Variants in SRBD1 observed in about 807,000 individuals in gnomAD.
SRBD1 encodes the protein S1 RNA binding domain 1, also known as S1 RNA-binding domain-containing protein 1.
SRBD1 carries 88 observed loss-of-function variants against 115.3 expected under a neutral mutation model. That is an observed-to-expected ratio of 0.76 (90% CI 0.64 to 0.91). SRBD1 has a LOEUF of 0.91. Among genes scored for constraint, SRBD1 ranks in the 40% least tolerant of loss-of-function variants. The pLI is 0.00. For synonymous variants in SRBD1, 509 were observed against 407.7 expected, an observed-to-expected ratio of 1.25 and a Z score of -2.99; for missense variants, 1,385 against 1,177.4, an observed-to-expected ratio of 1.18 and a Z score of -2.58.
In SRBD1 at chr2:45,599,512, G is replaced by A; in HGVS notation, c.585C>T (p.Val195=). ...KTETYPQGQP[V]KFPANANSTK... ...TACTATTGGCATTTGCTGGAAACTT[G>A]ACAGGCTGCCCCTGAGGATATGTCT... Residue 195 remains valine (V), a synonymous_variant, in exon 4 of 21, where the codon GTC becomes GTT. Transcript: ENST00000263736. The A allele has an allele frequency of 1.9e-6, 3 of 1,614,174 alleles. No individual in the cohort carries two copies. Among genetic ancestry groups the A allele is most frequent in the Non-Finnish European group, 2.5e-6 (3 of 1,180,034 alleles).
intron 19 of SRBD1, among the ~76,000 whole-genome samples, chr2:45,393,615 C>T (rs1002953870): frequency 9.9e-5 from 15 of 152,266 alleles, no homozygotes; most frequent in South Asian, 2.1e-4. Flanking sequence ...CTCCTGACCT[C>T]GTGATCTGCC....
In SRBD1 at chr2:45,425,788, T is replaced by C. The variant is rs1180032411; in HGVS notation, c.2050-5894A>G. ...TGTGAGGGACCGTGCTGTGAGGGAC[T>C]GTGCTGTGAGGAATGGTACACTCTG... On this transcript the variant is annotated intron_variant, in intron 16 of 20. Transcript: ENST00000263736. Among the ~76,000 whole-genome samples, 3 of 152,188 alleles carry C rather than the reference T, an allele frequency of 2.0e-5. No individual in the cohort carries two copies. The East Asian group carries it at 5.8e-4, about 30-fold the overall frequency.
chr2:45,402,901 T>C (rs1048089284), intron 19 of SRBD1, among the ~76,000 whole-genome samples: 3 of 152,108 alleles, frequency 2.0e-5, no homozygotes, highest in African/African-American at 7.2e-5. Context: ...TCAACCCAAA[T>C]GGTAGGACAA....
chr2:45,402,670 C>T (rs964826869), intron 19 of SRBD1, among the ~76,000 whole-genome samples: 1 of 152,160 alleles, frequency 6.6e-6, no homozygotes, highest in East Asian at 1.9e-4. Context: ...ACAGTCTTGA[C>T]AATAAATTTC....
chr2:45,580,676 C>CT (rs369067711), intron 6 of SRBD1, among the ~76,000 whole-genome samples: 1,589 of 76,404 alleles, frequency 0.021, 270 homozygotes, highest in African/African-American at 0.07. Flanking sequence ...TCTTCTACTT[C>CT]TTTTTTTTTT....
rs191971350 is a variant in SRBD1, at chr2:45,553,499, T to G, written c.1517+124A>C. Reference sequence around the variant, plus strand: ...AAATCAAGCCTTAACTTTAACACTTTGTGATGCTGACTAAATTCTTTCGAT... The same window carrying G: ...AAATCAAGCCTTAACTTTAACACTTGGTGATGCTGACTAAATTCTTTCGAT... On this transcript the variant is annotated intron_variant, in intron 11 of 20. Transcript: ENST00000263736. The G allele has an allele frequency of 1.1e-4, 58 of 518,254 alleles. No individual in the cohort carries two copies. In the East Asian group the frequency reaches 1.9e-3, roughly 17 times the overall value. 32.1% of individuals were successfully genotyped at this position (518,254 alleles called of 1,614,324 possible).
At chr2:45,518,076 T>C (rs1255593269) in intron 14 of SRBD1, among the ~76,000 whole-genome samples, 3 of 152,124 alleles carry the variant, frequency 2.0e-5, no homozygotes, top group Non-Finnish European at 4.4e-5. Context: ...GGCAGGCTTT[T>C]TTTCCCCTTA....
chr2:45,575,179 CT>C (rs1206491439), intron 7 of SRBD1, among the ~76,000 whole-genome samples: 3 of 152,162 alleles, frequency 2.0e-5, no homozygotes, highest in Admixed American at 6.5e-5. Context: ...AAAAATTATC[CT>C]TTAGAAGCAA....
In SRBD1 at chr2:45,599,796, T is replaced by G. The variant is rs1445438837; in HGVS notation, c.301A>C (p.Arg101=). 3 of 1,613,824 alleles carry G rather than the reference T, an allele frequency of 1.9e-6. No individual in the cohort carries two copies. In the African/African-American group the frequency reaches 4.0e-5, roughly 22 times the overall value. The change falls in exon 4 of 21, where the codon AGA becomes CGA. Residue 101 remains arginine (R), a synonymous_variant. Transcript: ENST00000263736. ...VAIADTALED[R]KNKLDTVQTL... ...TGTACAGTATCCAATTTATTTTTTC[T>G]GTCTTCTAAAGCAGTATCAGCAATA...
intron 16 of SRBD1, among the ~76,000 whole-genome samples, chr2:45,425,091 T>G (rs1668113725): frequency 6.6e-6 from 1 of 152,186 alleles, no homozygotes; most frequent in South Asian, 2.1e-4. Context: ...TAAAATCTCT[T>G]TATCATTTAA....
intron 14 of SRBD1, among the ~76,000 whole-genome samples, chr2:45,528,271 A>G (rs913949018): frequency 2.6e-5 from 4 of 151,878 alleles, no homozygotes; most frequent in South Asian, 4.1e-4. Context: ...GAGACTATAC[A>G]TGAAAAGTAG....
intron 19 of SRBD1, among the ~76,000 whole-genome samples, chr2:45,403,502 G>A (rs1370974281): frequency 6.6e-6 from 1 of 151,924 alleles, no homozygotes; most frequent in African/African-American, 2.4e-5. Context: ...TATTTGTCAG[G>A]TGCAAGGGAT....
chr2:45,450,602 G>A (rs1350534847), intron 16 of SRBD1, among the ~76,000 whole-genome samples: 2 of 152,102 alleles, frequency 1.3e-5, no homozygotes, highest in African/African-American at 2.4e-5. Context: ...AGATGTTCAA[G>A]GGAGGGAACA....
At chr2:45,507,868 C>T (rs1670843470) in intron 14 of SRBD1, among the ~76,000 whole-genome samples, 1 of 151,968 alleles carries the variant, frequency 6.6e-6, no homozygotes, top group South Asian at 2.1e-4. Context: ...TAATTTTTGG[C>T]AAATACATTT....
At chr2:45,580,658 C>T (rs1269734207) in intron 6 of SRBD1, among the ~76,000 whole-genome samples, 2 of 142,952 alleles carry the variant, frequency 1.4e-5, no homozygotes, top group Admixed American at 7.1e-5. Flanking sequence ...CGCACCTGGC[C>T]GGTCAATTCT....
intron 14 of SRBD1, among the ~76,000 whole-genome samples, chr2:45,528,408 G>C: frequency 6.6e-6 from 1 of 151,778 alleles, no homozygotes; most frequent in Non-Finnish European, 1.5e-5. Flanking sequence ...AGTTTGAATG[G>C]GGTATATGAC....
chr2:45,414,555 G>A (rs911756336), intron 18 of SRBD1, among the ~76,000 whole-genome samples: 20 of 150,050 alleles, frequency 1.3e-4, no homozygotes, highest in African/African-American at 4.6e-4. Flanking sequence ...AGTGTCTGTA[G>A]TGTGTGTACA....
At chr2:45,556,448 CTTTTTT>C (rs59284495) in intron 10 of SRBD1, among the ~76,000 whole-genome samples, 160 of 78,814 alleles carry the variant, frequency 2.0e-3, no homozygotes, top group African/African-American at 7.2e-3. Context: ...TGCTCTATTA[CTTTTTT>C]TTTTTTTTTT....
chr2:45,505,466 A>G (rs1558440590), intron 14 of SRBD1, among the ~76,000 whole-genome samples: 1 of 152,204 alleles, frequency 6.6e-6, no homozygotes, highest in African/African-American at 2.4e-5. Context: ...AGGCTCTCAC[A>G]TAAGGGAAAA....
Sources: allele counts gnomAD v4.1 joint callset (sites outside exome capture counted in the v4.1 genomes callset), GRCh38; gene constraint gnomAD v4.1.1; transcripts MANE v1.5; gene names NCBI Gene and HGNC (gene_info 2026-07-23, HGNC 2026-07-21).